ABCA4: variants seen among roughly 807,000 people sequenced by gnomAD.
The protein encoded by ABCA4 is retinal-specific phospholipid-transporting ATPase ABCA4.
A neutral mutation model predicts 263.7 loss-of-function variants in ABCA4; 196 were observed. The observed-to-expected ratio is 0.74, with a 90% CI of 0.66 to 0.84. The LOEUF (loss-of-function observed/expected upper bound fraction) is 0.84, where lower values mean the gene tolerates loss of function less well. Among genes scored for constraint, ABCA4 ranks in the 40% least tolerant of loss-of-function variants. The probability of loss-of-function intolerance (pLI) is 0.00; values close to 1 mark genes in which losing one functional copy is unlikely to be tolerated. For synonymous variants in ABCA4, 1,133 were observed against 1,094.2 expected (o/e 1.04, Z -0.70); for missense variants, 2,792 against 2,855.1 (o/e 0.98, Z 0.50).
chr1:94,019,149 T>C (rs6681968), intron 36 of ABCA4, among the ~76,000 whole-genome samples: 86,039 of 150,700 alleles, frequency 0.57, 25,030 homozygotes, highest in African/African-American at 0.67. Flanking sequence ...ATTTATCTGG[T>C]GACCCTACCA....
intron 17 of ABCA4, 67 bp downstream of exon 17, chr1:94,051,566 T>C: frequency 1.4e-6 from 2 of 1,391,252 alleles, no homozygotes. Context: ...CTGTGATCCA[T>C]ATACATCTTG....
chr1:94,056,364 T>G (rs2101069213), intron 15 of ABCA4, among the ~76,000 whole-genome samples: 1 of 152,336 alleles, frequency 6.6e-6, no homozygotes, highest in East Asian at 1.9e-4. Flanking sequence ...AACTGGTTTT[T>G]TAATGACTTT....
Position 94,021,861 on chromosome 1 carries a change from G to C in ABCA4, c.4758C>G (p.Ile1586Met). 6.2e-7 allele frequency: 1 copy of C among 1,614,084 alleles called. No homozygotes were observed. The highest frequency in any genetic ancestry group is 8.5e-7 in the Non-Finnish European group (1 of 1,180,020). ...GTTTACATACCCCGCTCACATTCAT[G>C]ATCCGGCCAAGGTCGCTTAAAAACC... ...LVGFLSDLGRIMNVSGGPITR... is the reference protein window; with the variant it reads ...LVGFLSDLGRMMNVSGGPITR... The change falls in exon 33 of 50, where the codon ATC (isoleucine) becomes ATG (methionine). Residue 1586 changes from isoleucine to methionine, a missense_variant. Ile to Met is a conservative substitution (Grantham distance 10). Coordinates refer to ENST00000370225, the MANE Select transcript of ABCA4 (RefSeq NM_000350.3).
intron 6 of ABCA4, among the ~76,000 whole-genome samples, chr1:94,096,424 A>C (rs1300786227): frequency 3.9e-5 from 6 of 152,108 alleles, no homozygotes; most frequent in Non-Finnish European, 8.8e-5. Flanking sequence ...TGGAAGGTTC[A>C]CATTTGGAGC....
intron 6 of ABCA4, among the ~76,000 whole-genome samples, chr1:94,084,290 A>G (rs1406958103): frequency 6.6e-6 from 1 of 152,256 alleles, no homozygotes; most frequent in Non-Finnish European, 1.5e-5. Context: ...GTGCTTCCTG[A>G]GTAGGTGTGA....
chr1:93,996,171 G>A lies in ABCA4; in HGVS notation c.6754C>T (p.Gln2252Ter). Reference protein sequence around the residue: ...DQVFVNFAKQQTESHDLPLHP... With the variant: ...DQVFVNFAKQ ...AGAGGGAGGTCATGACTTTCAGTCT[G>A]CTGTTTAGCAAAATTTACAAACACC... Residue 2252 changes from glutamine to a stop codon, truncating the protein, a stop_gained, in exon 49 of 50, where the codon CAG becomes TAG. Coordinates refer to ENST00000370225, the MANE Select transcript of ABCA4 (RefSeq NM_000350.3). LOFTEE classifies it high-confidence loss of function. 1 of 1,613,990 alleles carries A rather than the reference G, an allele frequency of 6.2e-7. No individual in the cohort carries two copies. Among genetic ancestry groups the A allele is most frequent in the Non-Finnish European group, 8.5e-7 (1 of 1,180,016 alleles).
intron 11 of ABCA4, 76 bp from the exon 12 acceptor site, chr1:94,063,393 C>T: frequency 1.4e-6 from 2 of 1,398,108 alleles, no homozygotes; most frequent in Non-Finnish European, 2.0e-6. Context: ...CAGAAAGTCA[C>T]AGGATAAGGG....
chr1:94,062,526 CAG>C, intron 13 of ABCA4, 49 bp downstream of exon 13: 8 of 1,603,290 alleles, frequency 5.0e-6, no homozygotes, highest in Non-Finnish European at 6.0e-6. Flanking sequence ...CAGCCCACTC[CAG>C]CACCCCCATT....
intron 5 of ABCA4, among the ~76,000 whole-genome samples, chr1:94,099,954 C>T (rs995188959): frequency 1.3e-5 from 2 of 152,114 alleles, no homozygotes; most frequent in African/African-American, 2.4e-5. Flanking sequence ...GGACCTGTGG[C>T]CACCCAGCAC....
At position 94,037,257 on chromosome 1, in the gene ABCA4, G is replaced by A. The variant is rs1383231039; in HGVS notation, c.3701C>T (p.Pro1234Leu). The A allele has an allele frequency of 1.2e-6, 2 of 1,614,156 alleles. No individual in the cohort carries two copies. The highest frequency in any genetic ancestry group is 2.2e-5 in the South Asian group (2 of 91,080). ...CIGQELIFLL[P>L]NKNFKHRAYA... ...TGCTCTGTGCTTGAAGTTCTTATTTGGAAGAAGGAAGATAAGTTCTTGACC... is the reference window on the plus strand; with the variant it reads ...TGCTCTGTGCTTGAAGTTCTTATTTAGAAGAAGGAAGATAAGTTCTTGACC... The change falls in exon 25 of 50, where the codon CCA (proline) becomes CTA (leucine). Residue 1234 changes from proline to leucine, a missense_variant. By Grantham distance (98) the Pro-to-Leu change is moderately conservative. Transcript: ENST00000370225.
chr1:94,049,820 C>G (rs939310866), intron 17 of ABCA4, among the ~76,000 whole-genome samples: 1 of 151,184 alleles, frequency 6.6e-6, no homozygotes, highest in Non-Finnish European at 1.5e-5. Context: ...TATAAACACA[C>G]GCATTGAACA....
At chr1:94,099,317 C>T (rs576949340) in intron 5 of ABCA4, among the ~76,000 whole-genome samples, 21 of 152,258 alleles carry the variant, frequency 1.4e-4, no homozygotes, top group African/African-American at 4.6e-4. Context: ...TGGCGTGTCT[C>T]TGGAGGCTGA....
chr1:94,017,055 A>G (rs1659765739), intron 36 of ABCA4, among the ~76,000 whole-genome samples: 1 of 152,196 alleles, frequency 6.6e-6, no homozygotes, highest in Non-Finnish European at 1.5e-5. Context: ...ATAAATAATG[A>G]TAGTCTTGGA....
At chr1:94,011,542 C>T (rs77433604) in intron 38 of ABCA4, among the ~76,000 whole-genome samples, 157 bp from the exon 39 acceptor site, 1 of 152,184 alleles carries the variant, frequency 6.6e-6, no homozygotes, top group African/African-American at 2.4e-5. Context: ...ATTTGTCCAG[C>T]AGAGCATCAT....
At chr1:94,085,886 G>A (rs543581091) in intron 6 of ABCA4, among the ~76,000 whole-genome samples, 1 of 152,108 alleles carries the variant, frequency 6.6e-6, no homozygotes, top group East Asian at 1.9e-4. Flanking sequence ...TTCCTAACAT[G>A]ATGACCTATG....
intron 2 of ABCA4, 105 bp from the exon 3 acceptor site, chr1:94,111,684 GTCC>G: frequency 7.6e-7 from 1 of 1,320,422 alleles, no homozygotes; most frequent in Non-Finnish European, 1.1e-6. Context: ...CCCCTCTGAT[GTCC>G]TCCTTCATTC....
chr1:94,007,563 T>G, intron 43 of ABCA4, 71 bp downstream of exon 43: 1 of 1,371,780 alleles, frequency 7.3e-7, no homozygotes, highest in South Asian at 1.2e-5. Context: ...TAGGGTCTGA[T>G]GATCACCCTT....
intron 48 of ABCA4, among the ~76,000 whole-genome samples, chr1:93,996,515 A>C (rs1659008239): frequency 6.6e-6 from 1 of 152,172 alleles, no homozygotes; most frequent in South Asian, 2.1e-4. Flanking sequence ...ACTAAAAAAA[A>C]AGGTAATTGA....
Position 94,015,869 on chromosome 1 carries a change from A to G in ABCA4, c.5197-15T>C, listed in dbSNP as rs1165060859. The G allele has an allele frequency of 1.2e-6, 2 of 1,605,610 alleles. No individual in the cohort carries two copies. Among genetic ancestry groups the G allele is most frequent in the African/African-American group, 2.7e-5 (2 of 74,936 alleles). On this transcript the variant is annotated splice_polypyrimidine_tract_variant and intron_variant, in intron 36 of 49. Coordinates refer to ENST00000370225, the MANE Select transcript of ABCA4 (RefSeq NM_000350.3). ...GAATAATTCATCTCGGAAAGAGAAGAGGAGAGCAAGTCACTTAACCTCTCA... is the reference window on the plus strand; with the variant it reads ...GAATAATTCATCTCGGAAAGAGAAGGGGAGAGCAAGTCACTTAACCTCTCA...
Sources: allele counts gnomAD v4.1 joint callset (sites outside exome capture counted in the v4.1 genomes callset), GRCh38; gene constraint gnomAD v4.1.1; transcripts MANE v1.5; gene names NCBI Gene and HGNC (gene_info 2026-07-23, HGNC 2026-07-21).